ROBO2: variants seen among roughly 807,000 people sequenced by gnomAD.
ROBO2 encodes roundabout guidance receptor 2, also known as roundabout homolog 2.
Under a neutral mutation model 160.8 loss-of-function variants are expected in ROBO2, and 53 were observed. The observed-to-expected ratio is 0.33, with a 90% CI of 0.26 to 0.41. The LOEUF is 0.41. Ranked by LOEUF, ROBO2 falls within the 10% of genes least tolerant of loss-of-function variation. The pLI, the probability that ROBO2 is intolerant of heterozygous loss-of-function variation, is 1.00. For missense variants in ROBO2, 1,577 were observed against 1,722.4 expected (o/e 0.92, Z 1.49); for synonymous variants, 664 against 611.7 (o/e 1.09, Z -1.26).
chr3:77,298,799 T>C (rs2153409635), intron 2 of ROBO2, among the ~76,000 whole-genome samples: 1 of 152,306 alleles, frequency 6.6e-6, no homozygotes, highest in East Asian at 1.9e-4. Context: ...GGGAGTGTGC[T>C]TGGCACTGTA....
At chr3:76,279,735 CCACA>C (rs1708130591) in intron 2 of ROBO2, among the ~76,000 whole-genome samples, 2 of 71,042 alleles carry the variant, frequency 2.8e-5, no homozygotes, top group Non-Finnish European at 1.4e-4. Context: ...GCATCAGGAT[CCACA>C]TAACATAAGA....
At chr3:76,973,660 C>T (rs1174156986) in intron 2 of ROBO2, among the ~76,000 whole-genome samples, 1 of 152,140 alleles carries the variant, frequency 6.6e-6, no homozygotes, top group Non-Finnish European at 1.5e-5. Flanking sequence ...ACACAAGAGA[C>T]ATGGCATGAC....
chr3:76,688,478 C>G (rs958332630), intron 2 of ROBO2, among the ~76,000 whole-genome samples: 4 of 151,446 alleles, frequency 2.6e-5, no homozygotes, highest in Admixed American at 2.0e-4. Context: ...TATTTCCTCA[C>G]CGAGAAAATT....
intron 2 of ROBO2, among the ~76,000 whole-genome samples, chr3:77,360,672 A>G (rs1244243004): frequency 1.3e-5 from 2 of 151,554 alleles, no homozygotes; most frequent in East Asian, 3.9e-4. Flanking sequence ...ATTAGCTTTA[A>G]TTTCAAACTA....
chr3:76,868,075 G>A (rs2071570510), intron 2 of ROBO2, among the ~76,000 whole-genome samples: 2 of 152,232 alleles, frequency 1.3e-5, no homozygotes, highest in East Asian at 3.9e-4. Flanking sequence ...AGTATCCTAT[G>A]CATATGATAG....
intron 2 of ROBO2, among the ~76,000 whole-genome samples, chr3:76,000,727 T>A (rs1166292567): frequency 1.3e-5 from 2 of 150,758 alleles, no homozygotes; most frequent in Non-Finnish European, 2.9e-5. Context: ...CCTGACCTCA[T>A]GATCCACCTG....
chr3:77,087,858 A>G (rs1254212751), intron 1 of ROBO2, among the ~76,000 whole-genome samples: 1 of 152,068 alleles, frequency 6.6e-6, no homozygotes, highest in Non-Finnish European at 1.5e-5. Flanking sequence ...AGATGCACAC[A>G]TATATAAAGA....
At chr3:77,350,110 A>T (rs7649600) in intron 2 of ROBO2, among the ~76,000 whole-genome samples, 41,067 of 149,798 alleles carry the variant, frequency 0.27, 7,009 homozygotes, top group Non-Finnish European at 0.39. Context: ...TATATATATA[A>T]TATATATATA....
chr3:77,510,617 A>T (rs1321327947), intron 5 of ROBO2, among the ~76,000 whole-genome samples: 2 of 152,102 alleles, frequency 1.3e-5, no homozygotes, highest in Non-Finnish European at 2.9e-5. Context: ...CAAATCTCAA[A>T]ATGTATTGAG....
At chr3:76,487,201 A>G (rs1371815420) in intron 2 of ROBO2, among the ~76,000 whole-genome samples, 1 of 149,652 alleles carries the variant, frequency 6.7e-6, no homozygotes, top group Non-Finnish European at 1.5e-5. Context: ...GCTGATCTCT[A>G]ACTCCTGACC....
intron 5 of ROBO2, among the ~76,000 whole-genome samples, chr3:77,496,802 A>C (rs1048844014): frequency 3.9e-5 from 6 of 152,146 alleles, no homozygotes; most frequent in African/African-American, 1.4e-4. Flanking sequence ...ACACAGAAGA[A>C]GATATCTGTG....
intron 1 of ROBO2, among the ~76,000 whole-genome samples, chr3:77,062,637 T>C (rs1296596396): frequency 6.6e-6 from 1 of 152,202 alleles, no homozygotes; most frequent in African/African-American, 2.4e-5. Flanking sequence ...AACTTAAGCA[T>C]ATTTAACTTT....
At chr3:76,718,602 A>C (rs2093418786) in intron 2 of ROBO2, among the ~76,000 whole-genome samples, 1 of 152,190 alleles carries the variant, frequency 6.6e-6, no homozygotes, top group Non-Finnish European at 1.5e-5. Flanking sequence ...TCATTAAATT[A>C]AGAAAGCCCC....
chr3:76,315,922 AAG>A (rs1345798778), intron 2 of ROBO2, among the ~76,000 whole-genome samples: 1 of 152,182 alleles, frequency 6.6e-6, no homozygotes, highest in Non-Finnish European at 1.5e-5. Flanking sequence ...AAAGAATACA[AAG>A]AGAGGAATTT....
At chr3:76,312,622 CT>C (rs1416474692) in intron 2 of ROBO2, among the ~76,000 whole-genome samples, 2 of 152,238 alleles carry the variant, frequency 1.3e-5, no homozygotes, top group South Asian at 2.1e-4. Flanking sequence ...CAATGGATTT[CT>C]TTTTCTTGCA....
At chr3:76,497,914 A>G (rs377098708) in intron 2 of ROBO2, among the ~76,000 whole-genome samples, 37 of 152,258 alleles carry the variant, frequency 2.4e-4, no homozygotes, top group East Asian at 1.7e-3. Context: ...TGCCTTGCAG[A>G]CCTTGCACTT....
At chr3:76,840,609 C>CA (rs556004157) in intron 2 of ROBO2, among the ~76,000 whole-genome samples, 4,048 of 119,916 alleles carry the variant, frequency 0.034, 168 homozygotes, top group East Asian at 0.13. Context: ...GACTCTGTCT[C>CA]AAAAAAAAAA....
At chr3:76,365,753 G>A (rs994853562) in intron 2 of ROBO2, among the ~76,000 whole-genome samples, 2 of 151,968 alleles carry the variant, frequency 1.3e-5, no homozygotes, top group Non-Finnish European at 2.9e-5. Flanking sequence ...CTTTGAGCTG[G>A]ATTTGTCTCA....
intron 4 of ROBO2, among the ~76,000 whole-genome samples, chr3:77,490,162 C>G (rs1027478077): frequency 2.7e-5 from 4 of 149,742 alleles, no homozygotes; most frequent in Non-Finnish European, 4.5e-5. Flanking sequence ...GTGCAGGGGC[C>G]CAATCTCGGC....
Sources: allele counts gnomAD v4.1 joint callset (sites outside exome capture counted in the v4.1 genomes callset), GRCh38; gene constraint gnomAD v4.1.1; transcripts MANE v1.5; gene names NCBI Gene and HGNC (gene_info 2026-07-23, HGNC 2026-07-21).